Variants in ZNF385D observed in about 807,000 individuals in gnomAD.
ZNF385D encodes the protein zinc finger protein 385D.
A neutral mutation model predicts 35.8 loss-of-function variants in ZNF385D; 15 were observed. The ratio of observed to expected loss-of-function variants is 0.42; its 90% CI spans 0.28 to 0.64. The LOEUF (loss-of-function observed/expected upper bound fraction) is 0.64, where lower values mean the gene tolerates loss of function less well. ZNF385D is among the 30% of genes least tolerant of loss of function. The pLI is 0.23. For missense variants in ZNF385D, 474 were observed against 494.6 expected (o/e 0.96, Z 0.39); for synonymous variants, 212 against 186.8 (o/e 1.13, Z -1.10).
At chr3:21,756,300 T>C (rs373200883) in intron 3 of ZNF385D, among the ~76,000 whole-genome samples, 4 of 151,992 alleles carry the variant, frequency 2.6e-5, no homozygotes, top group African/African-American at 9.7e-5. Flanking sequence ...CAATTTAAGA[T>C]TTTTTTTAAA....
At chr3:22,043,046 C>T (rs1321573971) in intron 3 of ZNF385D, among the ~76,000 whole-genome samples, 2 of 152,082 alleles carry the variant, frequency 1.3e-5, no homozygotes, top group Admixed American at 6.6e-5. Flanking sequence ...CTGAGAAGTC[C>T]ATTGTGGCTG....
At chr3:21,749,354 G>A (rs1169769407) in intron 1 of ZNF385D, among the ~76,000 whole-genome samples, 1 of 152,114 alleles carries the variant, frequency 6.6e-6, no homozygotes, top group Non-Finnish European at 1.5e-5. Context: ...AGACTCTACT[G>A]CTATTCTAAT....
At chr3:21,767,580 C>A (rs1173332541) in intron 3 of ZNF385D, among the ~76,000 whole-genome samples, 5 of 151,804 alleles carry the variant, frequency 3.3e-5, no homozygotes, top group Non-Finnish European at 5.9e-5. Flanking sequence ...ATCTCGTGAC[C>A]TTGATTCACA....
chr3:22,177,352 C>G (rs1389004085), intron 2 of ZNF385D, among the ~76,000 whole-genome samples: 1 of 152,180 alleles, frequency 6.6e-6, no homozygotes, highest in South Asian at 2.1e-4. Flanking sequence ...TTCTGAAGAC[C>G]TGAGTTAGAG....
At chr3:21,711,850 T>C (rs1461506788) in intron 1 of ZNF385D, among the ~76,000 whole-genome samples, 3 of 152,226 alleles carry the variant, frequency 2.0e-5, no homozygotes, top group African/African-American at 7.2e-5. Flanking sequence ...CCCATTTTTC[T>C]ACCTTTTGCA....
intron 3 of ZNF385D, among the ~76,000 whole-genome samples, chr3:22,009,520 G>C (rs1402122504): frequency 1.3e-5 from 2 of 151,696 alleles, no homozygotes; most frequent in East Asian, 1.9e-4. Context: ...CTACTCGGGA[G>C]GCTGAGTCAG....
intron 6 of ZNF385D, 76 bp from the exon 7 acceptor site, chr3:21,424,140 G>A: frequency 2.3e-6 from 3 of 1,284,950 alleles, no homozygotes; most frequent in Admixed American, 2.7e-5. Flanking sequence ...GCTTTAACCT[G>A]GAGAAAGATA....
chr3:22,336,086 T>A lies in ZNF385D; in HGVS notation c.106+36364A>T, dbSNP rs189843255. On this transcript the variant is annotated intron_variant, in intron 2 of 5. Coordinates refer to the ZNF385D transcript ENST00000494108. ...TAAACTACTGATCTAGATTAAGTAA[T>A]CTGAAAGATTGGGACTAATCCTTAC... 2.0e-5 allele frequency among the ~76,000 whole-genome samples: 3 copies of A among 152,202 alleles called. No individual in the cohort carries two copies. In the East Asian group the frequency reaches 5.8e-4, roughly 29 times the overall value.
At chr3:21,604,016 T>C (rs1337212193) in intron 2 of ZNF385D, among the ~76,000 whole-genome samples, 2 of 152,254 alleles carry the variant, frequency 1.3e-5, no homozygotes, top group African/African-American at 4.8e-5. Context: ...GTTGAGTTGG[T>C]GAAACAAGAA....
At chr3:21,965,319 A>T (rs917803368) in intron 3 of ZNF385D, among the ~76,000 whole-genome samples, 2 of 152,190 alleles carry the variant, frequency 1.3e-5, no homozygotes, top group African/African-American at 4.8e-5. Flanking sequence ...GTCTACTCAA[A>T]AATCAATTAC....
At chr3:22,170,618 C>T (rs1457786170) in intron 2 of ZNF385D, among the ~76,000 whole-genome samples, 1 of 151,982 alleles carries the variant, frequency 6.6e-6, no homozygotes, top group Admixed American at 6.5e-5. Context: ...TTTAAATATG[C>T]AATTTAAATG....
intron 2 of ZNF385D, among the ~76,000 whole-genome samples, chr3:22,286,130 G>A (rs1402433086): frequency 6.6e-6 from 1 of 152,074 alleles, no homozygotes; most frequent in Non-Finnish European, 1.5e-5. Flanking sequence ...TTAATAATAT[G>A]TACGGTACTT....
At chr3:21,973,499 G>A (rs1703397517) in intron 3 of ZNF385D, among the ~76,000 whole-genome samples, 2 of 151,962 alleles carry the variant, frequency 1.3e-5, no homozygotes, top group South Asian at 4.1e-4. Context: ...TTTCCTCTAA[G>A]ATCTGGGATG....
intron 3 of ZNF385D, among the ~76,000 whole-genome samples, chr3:22,066,724 G>T (rs149379984): frequency 3.9e-5 from 6 of 152,222 alleles, no homozygotes; most frequent in African/African-American, 1.4e-4. Context: ...AAGAAGATAA[G>T]TGATGTGCAC....
intron 4 of ZNF385D, among the ~76,000 whole-genome samples, chr3:21,476,651 G>C (rs1254696087): frequency 6.6e-6 from 1 of 151,926 alleles, no homozygotes; most frequent in African/African-American, 2.4e-5. Flanking sequence ...GGTAAGAGTG[G>C]CTCTTCTTTT....
chr3:21,682,306 T>C lies in ZNF385D; in HGVS notation c.23-17278A>G, dbSNP rs73042113. On this transcript the variant is annotated intron_variant, in intron 1 of 7. Transcript: ENST00000281523. ...TGAAAGATGTACACAACCTGGAAAA[T>C]AGCCAAAGCAGAGAGACAGACATGA... 5.8e-5 allele frequency among the ~76,000 whole-genome samples: 8 copies of C among 138,734 alleles called. 1 individual carries two copies. The highest frequency in any genetic ancestry group is 2.4e-4 in the South Asian group (1 of 4,232). The allele number at this position is 138,734 out of a possible 152,430, so 91.0% of individuals were successfully genotyped here. A position where few individuals can be genotyped will look rare whatever the true frequency, so the allele number is the denominator to read the frequency against.
At chr3:21,917,397 A>C (rs1700241362) in intron 3 of ZNF385D, among the ~76,000 whole-genome samples, 1 of 151,812 alleles carries the variant, frequency 6.6e-6, no homozygotes, top group African/African-American at 2.4e-5. Context: ...GGGCCATTGC[A>C]CTCCAGCCTG....
intron 3 of ZNF385D, among the ~76,000 whole-genome samples, chr3:21,974,712 G>A (rs1261450523): frequency 5.9e-5 from 9 of 151,830 alleles, no homozygotes; most frequent in Admixed American, 5.3e-4. Flanking sequence ...AAGGAGCTCA[G>A]ACAACTCAAT....
intron 2 of ZNF385D, among the ~76,000 whole-genome samples, chr3:21,601,395 A>G (rs754435819): frequency 2.6e-5 from 4 of 152,222 alleles, no homozygotes; most frequent in African/African-American, 4.8e-5. Context: ...AACACTTCCA[A>G]TTGATTAGCA....
Sources: allele counts gnomAD v4.1 joint callset (sites outside exome capture counted in the v4.1 genomes callset), GRCh38; gene constraint gnomAD v4.1.1; transcripts MANE v1.5; gene names NCBI Gene and HGNC (gene_info 2026-07-23, HGNC 2026-07-21).